GALNT13: variants seen among roughly 807,000 people sequenced by gnomAD.
GALNT13 encodes the protein polypeptide N-acetylgalactosaminyltransferase 13.
In GALNT13, 28 loss-of-function variants were observed where a neutral mutation model predicts 64.2. The observed-to-expected ratio is 0.44, with a 90% confidence interval of 0.32 to 0.60. The LOEUF (loss-of-function observed/expected upper bound fraction) is 0.60. Ranked by LOEUF, GALNT13 falls within the 20% of genes least tolerant of loss-of-function variation. GALNT13 has a pLI of 0.05. For missense variants in GALNT13, 577 were observed against 669.8 expected, an observed-to-expected ratio of 0.86 and a Z score of 1.53; for synonymous variants, 214 against 224.6, an observed-to-expected ratio of 0.95 and a Z score of 0.42.
the GALNT13 span, among the ~76,000 whole-genome samples, chr2:153,844,026 G>T: frequency 6.6e-6 from 1 of 152,132 alleles, no homozygotes; most frequent in East Asian, 1.9e-4. Context: ...AGGAATAAGT[G>T]CATCCTCCCT....
the GALNT13 span, among the ~76,000 whole-genome samples, chr2:153,753,302 T>C: frequency 6.6e-6 from 1 of 152,316 alleles, no homozygotes; most frequent in African/African-American, 2.4e-5. Context: ...TTGATACTTA[T>C]AGATGTTCAT....
the GALNT13 span, among the ~76,000 whole-genome samples, chr2:153,254,787 G>C: frequency 6.6e-6 from 1 of 152,164 alleles, no homozygotes; most frequent in Non-Finnish European, 1.5e-5. Context: ...TTTTGAGTGA[G>C]ATTCTTAATC....
chr2:153,511,315 T>C, the GALNT13 span, among the ~76,000 whole-genome samples: 4 of 151,106 alleles, frequency 2.6e-5, no homozygotes, highest in African/African-American at 4.9e-5. Flanking sequence ...GGCTATAGAT[T>C]AGGGATGACC....
the GALNT13 span, among the ~76,000 whole-genome samples, chr2:153,770,734 A>G: frequency 6.6e-6 from 1 of 152,342 alleles, no homozygotes; most frequent in African/African-American, 2.4e-5. Context: ...TGTCTCAGAC[A>G]ATGGGCTGAT....
the GALNT13 span, among the ~76,000 whole-genome samples, chr2:153,609,552 C>A: frequency 6.6e-6 from 1 of 152,020 alleles, no homozygotes; most frequent in Non-Finnish European, 1.5e-5. Context: ...CTGTCCTCAC[C>A]CAGTAAAATG....
At chr2:154,349,841 G>A (rs2105250736) in intron 9 of GALNT13, among the ~76,000 whole-genome samples, 1 of 152,302 alleles carries the variant, frequency 6.6e-6, no homozygotes, top group African/African-American at 2.4e-5. Context: ...GTAACTCAAT[G>A]TTCTTGCACA....
the GALNT13 span, among the ~76,000 whole-genome samples, chr2:153,540,150 C>G: frequency 6.6e-6 from 1 of 152,164 alleles, no homozygotes; most frequent in East Asian, 1.9e-4. Context: ...GGTCCAGGGC[C>G]CCCCTGCTGT....
chr2:153,215,899 C>T, the GALNT13 span, among the ~76,000 whole-genome samples: 2 of 151,784 alleles, frequency 1.3e-5, no homozygotes, highest in Non-Finnish European at 2.9e-5. Flanking sequence ...TTGACAAATG[C>T]TTAGGGTCCT....
the GALNT13 span, among the ~76,000 whole-genome samples, chr2:153,380,907 A>G: frequency 6.6e-6 from 1 of 151,926 alleles, no homozygotes; most frequent in Admixed American, 6.6e-5. Context: ...CATTTAGTCA[A>G]TTTGGGGTTT....
At chr2:154,158,492 TTTG>T (rs906496505) in intron 4 of GALNT13, among the ~76,000 whole-genome samples, 26 of 152,330 alleles carry the variant, frequency 1.7e-4, no homozygotes, top group South Asian at 6.2e-4. Context: ...TTTGTTTTTA[TTTG>T]TTGTTGTTGT....
chr2:153,620,444 T>G, the GALNT13 span, among the ~76,000 whole-genome samples: 1 of 151,952 alleles, frequency 6.6e-6, no homozygotes, highest in Non-Finnish European at 1.5e-5. Context: ...TCTTAATTGC[T>G]TTTTGTTCTT....
At chr2:153,465,059 C>T in the GALNT13 span, among the ~76,000 whole-genome samples, 1 of 152,060 alleles carries the variant, frequency 6.6e-6, no homozygotes, top group Non-Finnish European at 1.5e-5. Context: ...AGTCTATTAC[C>T]TCCTCTGTTT....
chr2:154,410,633 C>T (rs749795699), intron 11 of GALNT13, among the ~76,000 whole-genome samples: 7 of 151,848 alleles, frequency 4.6e-5, no homozygotes, highest in Non-Finnish European at 8.8e-5. Context: ...CAACAAAACA[C>T]TGAATATTTA....
chr2:153,442,725 C>G, the GALNT13 span, among the ~76,000 whole-genome samples: 4,035 of 152,302 alleles, frequency 0.026, 68 homozygotes, highest in Middle Eastern at 0.071. Flanking sequence ...TACTGTCTTT[C>G]TTTCAGAGAT....
chr2:153,541,251 C>T, the GALNT13 span, among the ~76,000 whole-genome samples: 2 of 152,166 alleles, frequency 1.3e-5, no homozygotes, highest in African/African-American at 2.4e-5. Flanking sequence ...ACTTCTCCTT[C>T]CTGCCACCAT....
At chr2:154,372,422 C>G (rs1697748638) in intron 9 of GALNT13, among the ~76,000 whole-genome samples, 1 of 151,966 alleles carries the variant, frequency 6.6e-6, no homozygotes, top group Non-Finnish European at 1.5e-5. Flanking sequence ...ATTTCTGGTC[C>G]CTGGAGCCCT....
intron 3 of GALNT13, among the ~76,000 whole-genome samples, chr2:154,107,696 T>TA (rs397721012): frequency 1.3e-5 from 2 of 151,740 alleles, no homozygotes; most frequent in Non-Finnish European, 2.9e-5. Context: ...AGATATTTTT[T>TA]AAAACCCACA....
At chr2:154,369,486 G>A (rs1697560906) in intron 9 of GALNT13, among the ~76,000 whole-genome samples, 1 of 152,160 alleles carries the variant, frequency 6.6e-6, no homozygotes. Context: ...CTGATACCAT[G>A]TCAGTACCAC....
At chr2:153,162,075 A>G in the GALNT13 span, among the ~76,000 whole-genome samples, 1 of 152,118 alleles carries the variant, frequency 6.6e-6, no homozygotes, top group African/African-American at 2.4e-5. Flanking sequence ...TGAATCTTTG[A>G]CATGAGATAA....
Sources: gnomAD v4.1 joint callset for allele counts (sites outside exome capture counted in the v4.1 genomes callset) on GRCh38, gnomAD v4.1.1 for gene constraint, MANE v1.5 for transcripts, NCBI Gene and HGNC (gene_info 2026-07-23, HGNC 2026-07-21) for gene names.